Variants in TMED10 observed in about 807,000 individuals in gnomAD.
TMED10 encodes transmembrane p24 trafficking protein 10.
Under a neutral mutation model 23.1 loss-of-function variants are expected in TMED10, and 7 were observed. The observed-to-expected ratio is 0.30, with a 90% CI of 0.17 to 0.57. The LOEUF (loss-of-function observed/expected upper bound fraction) is 0.57, where lower values mean the gene tolerates loss of function less well. Among genes scored for constraint, TMED10 ranks in the 20% least tolerant of loss-of-function variants. The pLI is 0.91. For synonymous variants in TMED10, 113 were observed against 106.9 expected (o/e 1.06, Z -0.35); for missense variants, 162 against 274.8 (o/e 0.59, Z 2.90).
intron 3 of TMED10, among the ~76,000 whole-genome samples, chr14:75,143,115 T>C (rs1449346776): frequency 1.3e-5 from 2 of 152,134 alleles, no homozygotes; most frequent in Non-Finnish European, 2.9e-5. Context: ...TGCCTCAGCC[T>C]TCCAAAGTGC....
intron 3 of TMED10, among the ~76,000 whole-genome samples, chr14:75,146,936 T>G (rs1012591058): frequency 2.6e-5 from 4 of 152,076 alleles, no homozygotes; most frequent in African/African-American, 9.7e-5. Context: ...GATAGATAGA[T>G]AGATAGATAT....
intron 1 of TMED10, among the ~76,000 whole-genome samples, chr14:75,164,577 A>ATTTTTTTT (rs60845992): frequency 7.1e-4 from 32 of 45,072 alleles, no homozygotes; most frequent in African/African-American, 2.0e-3. Flanking sequence ...ATATATATAT[A>ATTTTTTTT]TTTTTTTTTT....
chr14:75,162,820 G>A (rs1320345718), intron 1 of TMED10, among the ~76,000 whole-genome samples: 1 of 151,928 alleles, frequency 6.6e-6, no homozygotes, highest in Non-Finnish European at 1.5e-5. Flanking sequence ...AAAAAAAAAT[G>A]ACATTTTATC....
chr14:75,153,198 T>C (rs1282758021), intron 1 of TMED10, among the ~76,000 whole-genome samples: 3 of 151,972 alleles, frequency 2.0e-5, no homozygotes, highest in Non-Finnish European at 4.4e-5. Flanking sequence ...GGCATGGTGG[T>C]GCGCACCTAT....
chr14:75,168,305 C>T (rs1032720312), intron 1 of TMED10, among the ~76,000 whole-genome samples: 34 of 152,182 alleles, frequency 2.2e-4, no homozygotes, highest in Admixed American at 5.2e-4. Context: ...GACCTTGTCC[C>T]GTTTATCCCC....
chr14:75,175,687 A>G (rs1390462937), intron 1 of TMED10, among the ~76,000 whole-genome samples: 2 of 152,062 alleles, frequency 1.3e-5, no homozygotes, highest in African/African-American at 4.8e-5. Flanking sequence ...ACATGTATAC[A>G]TATGTAACAA....
At chr14:75,142,490 C>T (rs1895834750) in intron 3 of TMED10, among the ~76,000 whole-genome samples, 1 of 152,158 alleles carries the variant, frequency 6.6e-6, no homozygotes, top group South Asian at 2.1e-4. Flanking sequence ...CAAATCTGAC[C>T]TATCTTTCAA....
intron 1 of TMED10, among the ~76,000 whole-genome samples, chr14:75,160,738 A>G (rs1031101646): frequency 1.3e-5 from 2 of 152,228 alleles, no homozygotes; most frequent in East Asian, 3.8e-4. Flanking sequence ...AAAGCAAAAC[A>G]AAGTTCACAA....
intron 1 of TMED10, among the ~76,000 whole-genome samples, chr14:75,171,570 G>A (rs1418102814): frequency 1.3e-5 from 2 of 151,818 alleles, no homozygotes; most frequent in Non-Finnish European, 2.9e-5. Context: ...GAGAGCCACC[G>A]CGCCCAGCCT....
At chr14:75,135,260 C>T (rs175443) in intron 4 of TMED10, among the ~76,000 whole-genome samples, 72,891 of 151,716 alleles carry the variant, frequency 0.48, 17,936 homozygotes, top group Middle Eastern at 0.56. Context: ...ACCATCCTGG[C>T]TAACTCTGTC....
chr14:75,163,880 C>G (rs1472504279), intron 1 of TMED10, among the ~76,000 whole-genome samples: 2 of 152,002 alleles, frequency 1.3e-5, no homozygotes, highest in African/African-American at 4.8e-5. Context: ...TTGTGCCAGC[C>G]TCCTGAGTAG....
At chr14:75,167,774 G>A (rs1896183244) in intron 1 of TMED10, among the ~76,000 whole-genome samples, 1 of 152,102 alleles carries the variant, frequency 6.6e-6, no homozygotes, top group Non-Finnish European at 1.5e-5. Flanking sequence ...GAGGCCAGGA[G>A]TTCGAGGTTG....
intron 2 of TMED10, among the ~76,000 whole-genome samples, chr14:75,151,360 C>T (rs1895954080): frequency 6.6e-6 from 1 of 151,976 alleles, no homozygotes; most frequent in African/African-American, 2.4e-5. Context: ...GCTAGGGTTA[C>T]AGGCACGAGC....
At chr14:75,150,575 T>A (rs1289813245) in intron 2 of TMED10, among the ~76,000 whole-genome samples, 1 of 152,216 alleles carries the variant, frequency 6.6e-6, no homozygotes, top group East Asian at 1.9e-4. Context: ...TATGTTTAGA[T>A]ACACAAATAG....
Position 75,134,864 on chromosome 14 carries a change from G to T in TMED10, c.*21C>A. 16 of 1,613,282 alleles carry T rather than the reference G, an allele frequency of 9.9e-6. No individual in the cohort carries two copies. The highest frequency in any genetic ancestry group is 1.4e-5 in the Non-Finnish European group (16 of 1,179,488). On this transcript the variant is annotated 3_prime_UTR_variant, in exon 5 of 5. Transcript: ENST00000303575. ...TTCTGCTGGCTGAGGTACAAGGTGGGAGGAGAATATGCCTCATTCATTACT... is the reference window on the plus strand; with the variant it reads ...TTCTGCTGGCTGAGGTACAAGGTGGTAGGAGAATATGCCTCATTCATTACT...
At chr14:75,153,936 A>AT (rs1249506210) in intron 1 of TMED10, among the ~76,000 whole-genome samples, 3 of 151,082 alleles carry the variant, frequency 2.0e-5, no homozygotes, top group South Asian at 2.1e-4. Context: ...TGCCCAGCTA[A>AT]TTTTTTTGTA....
At chr14:75,163,446 A>G (rs180953377) in intron 1 of TMED10, among the ~76,000 whole-genome samples, 2 of 150,558 alleles carry the variant, frequency 1.3e-5, no homozygotes, top group Non-Finnish European at 3.0e-5. Context: ...CCAGCTACTC[A>G]GGCAGCTGAG....
intron 3 of TMED10, among the ~76,000 whole-genome samples, chr14:75,147,185 G>GTTTTTTTTTTTTTTTTTTTTTTTTTTTT (rs71119349): frequency 1.7e-5 from 2 of 116,616 alleles, no homozygotes; most frequent in African/African-American, 7.6e-5. Flanking sequence ...CTTCAAGGCT[G>GTTTTTTTTTTTTTTTTTTTTTTTTTTTT]TTTTTTTTTT....
At chr14:75,142,387 C>T (rs141289629) in intron 3 of TMED10, among the ~76,000 whole-genome samples, 2,318 of 152,220 alleles carry the variant, frequency 0.015, 35 homozygotes, top group South Asian at 0.034. Flanking sequence ...AACTCCCTAC[C>T]CAGGGTGATC....
Sources: allele counts gnomAD v4.1 joint callset (sites outside exome capture counted in the v4.1 genomes callset), GRCh38; gene constraint gnomAD v4.1.1; transcripts MANE v1.5; gene names NCBI Gene and HGNC (gene_info 2026-07-23, HGNC 2026-07-21).